The following PHF24 variants were observed in gnomAD, a reference collection of about 807,000 sequenced individuals.
PHF24 encodes PHD finger protein 24.
Under a neutral mutation model 42.6 loss-of-function variants are expected in PHF24, and 25 were observed. The observed-to-expected ratio is 0.59, with a 90% confidence interval of 0.43 to 0.82. The LOEUF (loss-of-function observed/expected upper bound fraction) is 0.82, where lower values mean the gene tolerates loss of function less well. PHF24 is among the 40% of genes least tolerant of loss of function. PHF24 has a pLI of 0.00. For missense variants in PHF24, 470 were observed against 538.1 expected (o/e 0.87, Z 1.25); for synonymous variants, 185 against 204.8 (o/e 0.90, Z 0.83).
the PHF24 span, among the ~76,000 whole-genome samples, chr9:34,733,921 A>T: frequency 6.6e-6 from 1 of 152,204 alleles, no homozygotes; most frequent in East Asian, 1.9e-4. Context: ...ATGAAGTTAG[A>T]ACCTGTATTA....
At chr9:34,901,957 A>G in the PHF24 span, among the ~76,000 whole-genome samples, 1 of 152,222 alleles carries the variant, frequency 6.6e-6, no homozygotes, top group South Asian at 2.1e-4. Context: ...AGATTGTTAA[A>G]AAATATTAAT....
At chr9:34,976,087 C>T in intron 3 of PHF24, 65 bp from the exon 4 acceptor site, 1 of 1,077,830 alleles carries the variant, frequency 9.3e-7, no homozygotes, top group South Asian at 1.3e-5. Context: ...TATTTCTAGC[C>T]CCCTTGACCC....
chr9:34,723,553 T>A, the PHF24 span: 1 of 1,551,828 alleles, frequency 6.4e-7, no homozygotes, highest in African/African-American at 1.4e-5. Context: ...CCTCATGCCC[T>A]TTGCCTTTTG....
At chr9:34,936,990 C>T in the PHF24 span, among the ~76,000 whole-genome samples, 2 of 149,444 alleles carry the variant, frequency 1.3e-5, no homozygotes, top group Non-Finnish European at 1.5e-5. Flanking sequence ...GGGTCAGCCC[C>T]CGCCAGGCCA....
the PHF24 span, among the ~76,000 whole-genome samples, chr9:34,754,585 G>C: frequency 2.6e-5 from 4 of 152,124 alleles, no homozygotes; most frequent in Non-Finnish European, 5.9e-5. Flanking sequence ...GGAGAAAAAG[G>C]AACCCTTGTA....
At chr9:34,917,589 C>T in the PHF24 span, 1 of 775,366 alleles carries the variant, frequency 1.3e-6, no homozygotes, top group East Asian at 2.4e-5. Context: ...CAGGAATATA[C>T]CCTCATGGGG....
the PHF24 span, among the ~76,000 whole-genome samples, chr9:34,863,064 G>GGAT: frequency 6.6e-6 from 1 of 151,894 alleles, no homozygotes; most frequent in Non-Finnish European, 1.5e-5. Flanking sequence ...AGGAAGAGTG[G>GGAT]GATGGACTTT....
At chr9:34,842,631 G>A in the PHF24 span, among the ~76,000 whole-genome samples, 2 of 152,158 alleles carry the variant, frequency 1.3e-5, no homozygotes, top group Admixed American at 1.3e-4. Flanking sequence ...TGGAAGCAGA[G>A]ACTGGGCCCT....
the PHF24 span, among the ~76,000 whole-genome samples, chr9:34,928,569 C>G: frequency 6.6e-6 from 1 of 152,034 alleles, no homozygotes; most frequent in Non-Finnish European, 1.5e-5. Flanking sequence ...TTTCATTCTC[C>G]CTCCATCTTT....
At chr9:34,669,174 T>C in the PHF24 span, among the ~76,000 whole-genome samples, 84,882 of 151,940 alleles carry the variant, frequency 0.56, 24,102 homozygotes, top group East Asian at 0.8. Flanking sequence ...ACCTTTAGCA[T>C]GTGTTGTCAG....
the PHF24 span, among the ~76,000 whole-genome samples, chr9:34,772,243 T>C: frequency 6.6e-6 from 1 of 152,230 alleles, no homozygotes; most frequent in Non-Finnish European, 1.5e-5. Context: ...TAAAAACTCT[T>C]CTGGAGGGAA....
At chr9:34,927,370 G>A in the PHF24 span, among the ~76,000 whole-genome samples, 2 of 152,104 alleles carry the variant, frequency 1.3e-5, no homozygotes, top group African/African-American at 2.4e-5. Context: ...CCAGAACAGG[G>A]TGTGCTTCAG....
At chr9:34,875,448 T>A in the PHF24 span, among the ~76,000 whole-genome samples, 29,293 of 152,186 alleles carry the variant, frequency 0.19, 3,035 homozygotes, top group South Asian at 0.29. Flanking sequence ...AGATTTTTTT[T>A]ATTGAAATAT....
At chr9:34,742,405 T>C in the PHF24 span, among the ~76,000 whole-genome samples, 2 of 152,096 alleles carry the variant, frequency 1.3e-5, no homozygotes, top group Admixed American at 1.3e-4. Context: ...AGCAGCTCTC[T>C]CCTTGCTCAC....
the PHF24 span, chr9:34,917,236 C>T: frequency 7.5e-7 from 1 of 1,325,904 alleles, no homozygotes; most frequent in African/African-American, 1.4e-5. Context: ...ATATCCCTGC[C>T]TCAGGGTGAG....
At chr9:34,731,548 A>C in the PHF24 span, among the ~76,000 whole-genome samples, 8 of 152,190 alleles carry the variant, frequency 5.3e-5, no homozygotes, top group Non-Finnish European at 1.0e-4. Flanking sequence ...GAGAACATGC[A>C]AAATTATTTT....
chr9:34,931,611 T>G, the PHF24 span, among the ~76,000 whole-genome samples: 6 of 151,954 alleles, frequency 3.9e-5, no homozygotes, highest in Non-Finnish European at 8.8e-5. Context: ...AATTAAGAAG[T>G]GTGTGGCCCC....
chr9:34,742,725 C>T, the PHF24 span, among the ~76,000 whole-genome samples: 4 of 115,302 alleles, frequency 3.5e-5, no homozygotes, highest in African/African-American at 8.9e-5. Flanking sequence ...CCACAATGCC[C>T]GGCTTCTTTT....
chr9:34,732,097 G>A, the PHF24 span, among the ~76,000 whole-genome samples: 9 of 151,618 alleles, frequency 5.9e-5, no homozygotes, highest in South Asian at 1.0e-3. Context: ...CGTAGGCTCA[G>A]GTGATCCTCC....
Sources: allele counts gnomAD v4.1 joint callset (sites outside exome capture counted in the v4.1 genomes callset), GRCh38; gene constraint gnomAD v4.1.1; transcripts MANE v1.5; gene names NCBI Gene and HGNC (gene_info 2026-07-23, HGNC 2026-07-21).